Variants in MEF2C observed in about 807,000 individuals in gnomAD.
MEF2C encodes the protein myocyte enhancer factor 2C.
In MEF2C, 6 loss-of-function variants were observed where a neutral mutation model predicts 50.5. The ratio of observed to expected loss-of-function variants is 0.12; its 90% confidence interval spans 0.07 to 0.23. MEF2C has a LOEUF of 0.23. MEF2C is among the 10% of genes least tolerant of loss of function. MEF2C has a pLI of 1.00. For synonymous variants in MEF2C, 183 were observed against 228.0 expected (o/e 0.80, Z 1.78); for missense variants, 276 against 605.0 (o/e 0.46, Z 5.70).
chr5:88,814,017 G>T (rs1804117618), intron 2 of MEF2C, among the ~76,000 whole-genome samples: 1 of 152,028 alleles, frequency 6.6e-6, no homozygotes, highest in Admixed American at 6.6e-5. Context: ...ACTAATGAGT[G>T]ACAGATGGAC....
chr5:88,811,879 A>T (rs1344799541), intron 2 of MEF2C, among the ~76,000 whole-genome samples: 1 of 152,166 alleles, frequency 6.6e-6, no homozygotes, highest in African/African-American at 2.4e-5. Context: ...TTGAAAACCA[A>T]GTCCCAGCTC....
At chr5:88,789,660 A>T (rs11955502) in intron 3 of MEF2C, among the ~76,000 whole-genome samples, 47 of 151,848 alleles carry the variant, frequency 3.1e-4, no homozygotes, top group African/African-American at 1.0e-3. Flanking sequence ...CTAGTCATTA[A>T]CTCTATGACC....
At chr5:88,818,977 T>C (rs1806953808) in intron 2 of MEF2C, among the ~76,000 whole-genome samples, 1 of 152,028 alleles carries the variant, frequency 6.6e-6, no homozygotes, top group Non-Finnish European at 1.5e-5. Context: ...GTGGGTGCTT[T>C]ACATTTATTG....
At chr5:88,752,841 C>T (rs1773461097) in intron 4 of MEF2C, 1 of 795,492 alleles carries the variant, frequency 1.3e-6, no homozygotes, top group Non-Finnish European at 1.5e-6. Flanking sequence ...TATGTTTCTG[C>T]TGTACTAACT....
At chr5:88,855,545 C>A (rs1450801146) in intron 1 of MEF2C, among the ~76,000 whole-genome samples, 1 of 152,112 alleles carries the variant, frequency 6.6e-6, no homozygotes, top group Non-Finnish European at 1.5e-5. Context: ...GTGTCCCCAC[C>A]CAAATCTCAT....
chr5:88,746,597 C>T (rs1769777573), intron 6 of MEF2C: 1 of 985,264 alleles, frequency 1.0e-6, no homozygotes, highest in Admixed American at 6.2e-5. Flanking sequence ...AATTTGGAAG[C>T]TATATTTTGG....
At position 88,825,432 on chromosome 5, in the gene MEF2C, T is replaced by C. The variant is rs906786746; in HGVS notation, c.-142-1502A>G. The C allele has an allele frequency of 1.9e-5, 18 of 937,406 alleles. 1 individual carries two copies. In the African/African-American group the frequency reaches 2.1e-4, roughly 11 times the overall value. The allele number at this position is 937,406 out of a possible 1,614,324, so 58.1% of individuals were successfully genotyped here. On this transcript the variant is annotated intron_variant, in intron 1 of 10. Coordinates refer to ENST00000504921, the MANE Select transcript of MEF2C (RefSeq NM_002397.5). ...AGTTCTGCCTCTCATAATATGTATGTTGAGTAACATTATGACCACACAGTG... is the reference window on the plus strand; with the variant it reads ...AGTTCTGCCTCTCATAATATGTATGCTGAGTAACATTATGACCACACAGTG...
intron 3 of MEF2C, among the ~76,000 whole-genome samples, chr5:88,791,227 C>G (rs565135149): frequency 9.9e-5 from 15 of 152,226 alleles, no homozygotes; most frequent in Middle Eastern, 3.4e-3. Flanking sequence ...TAAAAATTGA[C>G]AATTATCATC....
In MEF2C at chr5:88,719,579, C is replaced by A. The variant is rs990592237; in HGVS notation, c.*3025G>T. 4 of 152,192 alleles carry A rather than the reference C, an allele frequency of 2.6e-5. No homozygotes were observed. Among genetic ancestry groups the A allele is most frequent in the African/African-American group, 9.6e-5 (4 of 41,454 alleles). The allele number at this position is 152,192 out of a possible 1,614,324, so 9.4% of individuals were successfully genotyped here. A position where few individuals can be genotyped will look rare whatever the true frequency, so the allele number is the denominator to read the frequency against. ...AGGACGGGTTATGTAAAATAATACT[C>A]CCTCAGGGCTCTGCCCTAAAGTCTG... On this transcript the variant is annotated 3_prime_UTR_variant, in exon 11 of 11. Coordinates refer to ENST00000504921, the MANE Select transcript of MEF2C (RefSeq NM_002397.5).
intron 1 of MEF2C, chr5:88,844,567 T>C (rs1251948479): frequency 1.5e-6 from 1 of 664,386 alleles, no homozygotes; most frequent in Non-Finnish European, 1.9e-6. Flanking sequence ...GTTACCACTC[T>C]TTGAAAACTG....
chr5:88,902,235 G>GA (rs1193115656), intron 1 of MEF2C, among the ~76,000 whole-genome samples: 1 of 151,580 alleles, frequency 6.6e-6, no homozygotes, highest in South Asian at 2.1e-4. Context: ...AAAATTTAGC[G>GA]ACTATAGTTA....
At chr5:88,812,007 A>C (rs1015157672) in intron 2 of MEF2C, among the ~76,000 whole-genome samples, 39 of 152,286 alleles carry the variant, frequency 2.6e-4, no homozygotes, top group Middle Eastern at 6.8e-3. Context: ...TGAGAGGTCA[A>C]GTAAGGGATA....
At chr5:88,846,600 C>T (rs1219532065) in intron 1 of MEF2C, among the ~76,000 whole-genome samples, 1 of 152,160 alleles carries the variant, frequency 6.6e-6, no homozygotes, top group Non-Finnish European at 1.5e-5. Flanking sequence ...CATTCAAACA[C>T]AGTTTATCCC....
At chr5:88,866,283 T>C (rs1265223912) in intron 1 of MEF2C, among the ~76,000 whole-genome samples, 1 of 152,254 alleles carries the variant, frequency 6.6e-6, no homozygotes, top group African/African-American at 2.4e-5. Context: ...AAGCATTTCA[T>C]TCTCTTCAAC....
At chr5:88,868,076 C>A (rs1041011698) in intron 1 of MEF2C, among the ~76,000 whole-genome samples, 2 of 152,112 alleles carry the variant, frequency 1.3e-5, no homozygotes, top group African/African-American at 4.8e-5. Flanking sequence ...GGTGGTACCC[C>A]CTGTGTTGGA....
chr5:88,849,725 T>C (rs1171333152), intron 1 of MEF2C, among the ~76,000 whole-genome samples: 2 of 152,162 alleles, frequency 1.3e-5, no homozygotes, highest in Middle Eastern at 3.2e-3. Flanking sequence ...CCATTTTTAA[T>C]TTAATAATTT....
rs777826971 is a variant in MEF2C at position 88,729,322 on chromosome 5, G to T, written c.860C>A (p.Ser287Ter). The T allele has an allele frequency of 6.2e-7, 1 of 1,611,692 alleles. No homozygotes were observed. The highest frequency in any genetic ancestry group is 1.1e-5 in the South Asian group (1 of 90,886). The change falls in exon 9 of 11, where the codon TCG becomes TAG. Residue 287 changes from serine (S) to a stop codon, truncating the protein, a stop_gained. Coordinates refer to ENST00000504921, the MANE Select transcript of MEF2C (RefSeq NM_002397.5). LOFTEE classifies it high-confidence loss of function. ...CACTGGGGTAGCCAATGACTGAGCC[G>T]ACTGGGAGTTATTTATCCTTTGATT... ...LLNQRINNSQ[S>*]AQSLATPVVS...
At chr5:88,884,764 T>C (rs568871040), upstream of MEF2C, among the ~76,000 whole-genome samples, 2 of 149,542 alleles carry the variant, frequency 1.3e-5, no homozygotes, top group Middle Eastern at 3.5e-3. Context: ...AGGATACTTA[T>C]GTTAAGGTTA....
chr5:88,867,801 A>G (rs1827901878), intron 1 of MEF2C, among the ~76,000 whole-genome samples: 1 of 152,216 alleles, frequency 6.6e-6, no homozygotes, highest in Admixed American at 6.5e-5. Context: ...CAAGAATTGA[A>G]AACCAACTGG....
Sources: allele counts gnomAD v4.1 joint callset (sites outside exome capture counted in the v4.1 genomes callset), GRCh38; gene constraint gnomAD v4.1.1; transcripts MANE v1.5; gene names NCBI Gene and HGNC (gene_info 2026-07-23, HGNC 2026-07-21).